The following COL27A1 variants were observed in gnomAD, a reference collection of about 807,000 sequenced individuals.
COL27A1 encodes collagen type XXVII alpha 1 chain.
In COL27A1, 106 loss-of-function variants were observed where a neutral mutation model predicts 251.3. That is an observed-to-expected ratio of 0.42 (90% CI 0.36 to 0.50). COL27A1 has a LOEUF of 0.50. Ranked by LOEUF, COL27A1 falls within the 20% of genes least tolerant of loss-of-function variation. The pLI, the probability that COL27A1 is intolerant of heterozygous loss-of-function variation, is 0.00. For synonymous variants in COL27A1, 1,000 were observed against 986.3 expected, an observed-to-expected ratio of 1.01 and a Z score of -0.26; for missense variants, 2,325 against 2,522.8, an observed-to-expected ratio of 0.92 and a Z score of 1.68.
At chr9:114,203,918 G>A (rs1829747843) in intron 7 of COL27A1, among the ~76,000 whole-genome samples, 1 of 152,118 alleles carries the variant, frequency 6.6e-6, no homozygotes, top group African/African-American at 2.4e-5. Flanking sequence ...ATGAGACTCA[G>A]TGTTCTCTGT....
At chr9:114,221,462 T>C (rs1831106903) in intron 13 of COL27A1, among the ~76,000 whole-genome samples, 1 of 152,236 alleles carries the variant, frequency 6.6e-6, no homozygotes. Flanking sequence ...TTTCTTCCTC[T>C]CATTTGAAGT....
chr9:114,156,073 G>T, intron 1 of COL27A1, 61 bp downstream of exon 1: 2 of 1,292,440 alleles, frequency 1.5e-6, no homozygotes, highest in African/African-American at 1.5e-5. Flanking sequence ...CTCGGGGAGG[G>T]CCGGGGTTCC....
rs540030515 is a variant in COL27A1 at position 114,292,061 on chromosome 9, C to G, written c.4477-42C>G. 1.2e-4 allele frequency: 189 copies of G among 1,521,748 alleles called. 1 individual carries two copies. The South Asian group carries it at 2.1e-3, about 17-fold the overall frequency. 94.3% of individuals were successfully genotyped at this position (1,521,748 alleles called of 1,614,324 possible). ...CTCCGCCTCCTCCTGCCTTAGAACC[C>G]CTTCCCACTTTGACTGGTAATTTTT... On this transcript the variant is annotated intron_variant, in intron 48 of 60. Transcript: ENST00000356083.
At chr9:114,193,719 T>A (rs192973889) in intron 5 of COL27A1, among the ~76,000 whole-genome samples, 4 of 152,266 alleles carry the variant, frequency 2.6e-5, no homozygotes, top group Non-Finnish European at 5.9e-5. Context: ...TGTAAGTGGC[T>A]GTTCGTGCAT....
At chr9:114,280,506 A>G (rs748897107) in intron 37 of COL27A1, among the ~76,000 whole-genome samples, 3 of 152,206 alleles carry the variant, frequency 2.0e-5, no homozygotes, top group African/African-American at 7.2e-5. Context: ...TCCAGCCTTA[A>G]ATTTAATTTT....
intron 5 of COL27A1, among the ~76,000 whole-genome samples, chr9:114,191,571 C>T (rs947049661): frequency 6.6e-6 from 1 of 152,208 alleles, no homozygotes; most frequent in Admixed American, 6.5e-5. Context: ...GCTTCTTCAT[C>T]CATGTCCCTG....
Position 114,231,811 on chromosome 9 carries a change from T to C in COL27A1, c.2521-11T>C, listed in dbSNP as rs1214252460. 6.2e-7 allele frequency: 1 copy of C among 1,614,162 alleles called. No homozygotes were observed. Among genetic ancestry groups the C allele is most frequent in the East Asian group, 2.2e-5 (1 of 44,886 alleles). ...GTCCCATCACAGCTGGCCTTGGGCT[T>C]TGTCTTGCAGGGACTGATGGGCAGC... On this transcript the variant is annotated splice_polypyrimidine_tract_variant and intron_variant, in intron 15 of 60. Transcript: ENST00000356083.
intron 57 of COL27A1, among the ~76,000 whole-genome samples, chr9:114,305,392 G>A (rs1310382823): frequency 3.9e-5 from 6 of 152,132 alleles, no homozygotes; most frequent in Admixed American, 1.3e-4. Context: ...GATCCAGTGC[G>A]GCTGGAGAAG....
At chr9:114,302,131 T>G in intron 56 of COL27A1, 23 bp downstream of exon 56, 2 of 1,605,450 alleles carry the variant, frequency 1.2e-6, no homozygotes, top group Non-Finnish European at 1.7e-6. Flanking sequence ...CCTTCTCTTT[T>G]GCCTACTTGG....
At chr9:114,204,194 G>T (rs1829774664) in intron 7 of COL27A1, among the ~76,000 whole-genome samples, 1 of 152,166 alleles carries the variant, frequency 6.6e-6, no homozygotes, top group Non-Finnish European at 1.5e-5. Flanking sequence ...GTTCAGAGAA[G>T]GGTAGGAACC....
intron 44 of COL27A1, 91 bp downstream of exon 44, chr9:114,289,058 G>A (rs1332171284): frequency 6.6e-7 from 1 of 1,504,926 alleles, no homozygotes; most frequent in Non-Finnish European, 9.2e-7. Context: ...AAAGCTTAAA[G>A]GGACCCTCCC....
intron 28 of COL27A1, among the ~76,000 whole-genome samples, chr9:114,261,179 C>T (rs574623031): frequency 4.6e-5 from 7 of 152,188 alleles, no homozygotes; most frequent in Non-Finnish European, 1.0e-4. Context: ...TTCATCGGCC[C>T]CTTTTTCACA....
rs114976680 is a variant in COL27A1 at position 114,232,589 on chromosome 9, T to G, written c.2565+723T>G. 4.5e-4 allele frequency among the ~76,000 whole-genome samples: 68 copies of G among 152,310 alleles called. 1 individual carries two copies. Among genetic ancestry groups the G allele is most frequent in the African/African-American group, 1.5e-3 (64 of 41,560 alleles). Reference sequence around the variant, plus strand: ...GAGGGGTTCAGAGCAACATTCCAAGTATCCATGAGACATCCGAAGGACTGA... The same window carrying G: ...GAGGGGTTCAGAGCAACATTCCAAGGATCCATGAGACATCCGAAGGACTGA... On this transcript the variant is annotated intron_variant, in intron 16 of 60. Coordinates refer to ENST00000356083, the MANE Select transcript of COL27A1 (RefSeq NM_032888.4).
chr9:114,252,626 C>T lies in COL27A1; in HGVS notation c.3067C>T (p.Pro1023Ser), dbSNP rs1433912319. 6.2e-7 allele frequency: 1 copy of T among 1,613,954 alleles called. No homozygotes were observed. The highest frequency in any genetic ancestry group is 8.5e-7 in the Non-Finnish European group (1 of 1,179,986). ...DRGMMGPPGV[P>S]GPKGSMGHPG... ...TGGCATGATGGGACCCCCAGGCGTG[C>T]CTGGACCCAAGGGGTCGATGGTAAG... The change falls in exon 26 of 61, where the codon CCT (proline) becomes TCT (serine). Residue 1023 changes from proline (P) to serine (S), a missense_variant. This residue lies in a region of COL27A1 where 662 missense variants were observed against 795.3 expected (regional missense o/e 0.83). Coordinates refer to ENST00000356083, the MANE Select transcript of COL27A1 (RefSeq NM_032888.4).
chr9:114,236,634 G>A (rs1378836305), intron 17 of COL27A1, among the ~76,000 whole-genome samples: 1 of 152,116 alleles, frequency 6.6e-6, no homozygotes, highest in Non-Finnish European at 1.5e-5. Flanking sequence ...TGGTATCTCC[G>A]GGTTGTGAAC....
intron 6 of COL27A1, among the ~76,000 whole-genome samples, chr9:114,195,375 T>TA (rs5900074): frequency 0.73 from 111,167 of 152,104 alleles, 41,259 homozygotes; most frequent in Non-Finnish European, 0.78. Context: ...ACCCCCATCA[T>TA]ACCCCATGAG....
intron 24 of COL27A1, among the ~76,000 whole-genome samples, chr9:114,249,441 C>A (rs1329451008): frequency 6.6e-6 from 1 of 152,172 alleles, no homozygotes; most frequent in Non-Finnish European, 1.5e-5. Flanking sequence ...TACGGGAGAT[C>A]CGGGCCCTGT....
chr9:114,196,468 C>T (rs553020878), intron 7 of COL27A1, among the ~76,000 whole-genome samples: 3 of 152,322 alleles, frequency 2.0e-5, no homozygotes, highest in Non-Finnish European at 2.9e-5. Flanking sequence ...CAGTCTGGGG[C>T]TGTGTGACCA....
intron 2 of COL27A1, among the ~76,000 whole-genome samples, chr9:114,167,149 G>C (rs1848945295): frequency 6.6e-6 from 1 of 152,210 alleles, no homozygotes; most frequent in African/African-American, 2.4e-5. Context: ...TCCTGGAGGA[G>C]ATGGCTTTCC....
Sources: allele counts gnomAD v4.1 joint callset (sites outside exome capture counted in the v4.1 genomes callset), GRCh38; gene constraint gnomAD v4.1.1; regional missense constraint gnomAD v4.1.1; transcripts MANE v1.5; gene names NCBI Gene and HGNC (gene_info 2026-07-23, HGNC 2026-07-21).